The following STARD13 variants were observed in gnomAD, a reference collection of about 807,000 sequenced individuals.
The protein encoded by STARD13 is stAR-related lipid transfer protein 13.
Under a neutral mutation model 106.4 loss-of-function variants are expected in STARD13, and 62 were observed. The ratio of observed to expected loss-of-function variants is 0.58; its 90% CI spans 0.48 to 0.72. The LOEUF is 0.72. Among genes scored for constraint, STARD13 ranks in the 30% least tolerant of loss-of-function variants. The pLI is 0.00. For missense variants in STARD13, 1,387 were observed against 1,424.0 expected, an observed-to-expected ratio of 0.97 and a Z score of 0.42; for synonymous variants, 565 against 553.0, an observed-to-expected ratio of 1.02 and a Z score of -0.31.
chr13:33,494,158 T>C, the STARD13 span, among the ~76,000 whole-genome samples: 9 of 152,268 alleles, frequency 5.9e-5, no homozygotes, highest in African/African-American at 1.4e-4. Context: ...CCTTCCCATT[T>C]GACTTGAATG....
At chr13:33,251,885 C>T (rs1026079812) in intron 1 of STARD13, among the ~76,000 whole-genome samples, 1 of 152,346 alleles carries the variant, frequency 6.6e-6, no homozygotes, top group African/African-American at 2.4e-5. Flanking sequence ...TAATCCTGAA[C>T]ACAATTTCAA....
At chr13:33,429,865 G>T in the STARD13 span, among the ~76,000 whole-genome samples, 1 of 151,346 alleles carries the variant, frequency 6.6e-6, no homozygotes, top group African/African-American at 2.4e-5. Context: ...GTGCCACAGG[G>T]TGTGCCATAA....
intron 1 of STARD13, among the ~76,000 whole-genome samples, chr13:33,266,635 CG>C (rs1441272019): frequency 6.6e-6 from 1 of 152,158 alleles, no homozygotes; most frequent in African/African-American, 2.4e-5. Context: ...CGATTTTGCC[CG>C]GTGGAAATAC....
intron 1 of STARD13, among the ~76,000 whole-genome samples, chr13:33,243,778 CA>C (rs1294012146): frequency 6.6e-6 from 1 of 152,104 alleles, no homozygotes; most frequent in Non-Finnish European, 1.5e-5. Flanking sequence ...CAGTGGAGTG[CA>C]AGTTCCTTGG....
Position 33,112,812 on chromosome 13 carries a change from C to T in STARD13, c.2401G>A (p.Glu801Lys), listed in dbSNP as rs1292751387. 9.9e-6 allele frequency: 16 copies of T among 1,613,962 alleles called. No individual in the cohort carries two copies. Among genetic ancestry groups the T allele is most frequent in the Non-Finnish European group, 1.2e-5 (14 of 1,179,920 alleles). ...TTCATGGGCGTCATCTGATTCTCTT[C>T]CACCAAGTTGACGACGTCGTTCAGG... Reference protein sequence around the residue: ...CFLNDVVNLVEENQMTPMNLA... With the variant: ...CFLNDVVNLVKENQMTPMNLA... The change falls in exon 9 of 14, where the codon GAA becomes AAA. Residue 801 changes from glutamate (E) to lysine (K), a missense_variant. Glu to Lys is a moderately conservative substitution (Grantham distance 56). Transcript: ENST00000336934.
intron 3 of STARD13, among the ~76,000 whole-genome samples, chr13:33,163,628 C>CAT (rs1393441681): frequency 0.011 from 1,093 of 103,636 alleles, 29 homozygotes; most frequent in African/African-American, 0.042. Flanking sequence ...ATATATAAAA[C>CAT]ATATATATAT....
the STARD13 span, among the ~76,000 whole-genome samples, chr13:33,377,916 T>A: frequency 3.4e-4 from 52 of 152,226 alleles, no homozygotes; most frequent in Middle Eastern, 3.4e-3. Context: ...AAAAACCAAA[T>A]GAACAAGGTC....
chr13:33,448,676 G>A, the STARD13 span, among the ~76,000 whole-genome samples: 2 of 151,972 alleles, frequency 1.3e-5, no homozygotes, highest in Admixed American at 6.6e-5. Flanking sequence ...TTGAGGCACC[G>A]CCATACTGTT....
chr13:33,125,049 A>C (rs1440205530), intron 7 of STARD13, among the ~76,000 whole-genome samples: 1 of 152,240 alleles, frequency 6.6e-6, no homozygotes, highest in Non-Finnish European at 1.5e-5. Context: ...CTTCAAATGA[A>C]GAAGTTACTG....
chr13:33,181,444 G>A (rs1263233466), intron 1 of STARD13, among the ~76,000 whole-genome samples: 2 of 152,156 alleles, frequency 1.3e-5, no homozygotes, highest in African/African-American at 2.4e-5. Flanking sequence ...TACATCTCAT[G>A]TTCTTAGCCT....
chr13:33,406,004 T>C, the STARD13 span, among the ~76,000 whole-genome samples: 1 of 152,258 alleles, frequency 6.6e-6, no homozygotes, highest in Non-Finnish European at 1.5e-5. Context: ...ATGGGAACTA[T>C]TGTTATTCCC....
At chr13:33,532,073 A>G in the STARD13 span, among the ~76,000 whole-genome samples, 1 of 152,036 alleles carries the variant, frequency 6.6e-6, no homozygotes, top group Non-Finnish European at 1.5e-5. Context: ...CGAAGTCTCT[A>G]TTGCAGCTCA....
At chr13:33,629,758 T>C in the STARD13 span, among the ~76,000 whole-genome samples, 1 of 152,198 alleles carries the variant, frequency 6.6e-6, no homozygotes. Flanking sequence ...TTAACATCAT[T>C]TTTTGAACTG....
the STARD13 span, among the ~76,000 whole-genome samples, chr13:33,582,266 C>T: frequency 4.6e-5 from 7 of 152,044 alleles, no homozygotes; most frequent in Non-Finnish European, 1.0e-4. Context: ...GTAACTTGCC[C>T]AAGTTTACAC....
At chr13:33,237,351 A>T (rs1297844293) in intron 1 of STARD13, among the ~76,000 whole-genome samples, 1 of 152,244 alleles carries the variant, frequency 6.6e-6, no homozygotes, top group Admixed American at 6.5e-5. Flanking sequence ...TTCATAAAAC[A>T]TCTATAAATT....
intron 1 of STARD13, among the ~76,000 whole-genome samples, chr13:33,299,049 C>A (rs1418929487): frequency 6.6e-6 from 1 of 152,160 alleles, no homozygotes. Context: ...CGTACTTTTT[C>A]TATGCTTAGA....
At chr13:33,359,309 C>G in the STARD13 span, among the ~76,000 whole-genome samples, 3 of 152,024 alleles carry the variant, frequency 2.0e-5, no homozygotes, top group Non-Finnish European at 2.9e-5. Flanking sequence ...TCCAGACGCG[C>G]TGCCTTAAGA....
chr13:33,277,121 C>T (rs1891483935), intron 1 of STARD13, among the ~76,000 whole-genome samples: 1 of 151,758 alleles, frequency 6.6e-6, no homozygotes, highest in Non-Finnish European at 1.5e-5. Flanking sequence ...CTTGGTCCTT[C>T]CCTAGACTGC....
At chr13:33,401,693 C>T in the STARD13 span, among the ~76,000 whole-genome samples, 22 of 152,334 alleles carry the variant, frequency 1.4e-4, no homozygotes, top group Admixed American at 1.1e-3. Flanking sequence ...CATTTTCTCT[C>T]TCAGACATTT....
Sources: allele counts gnomAD v4.1 joint callset (sites outside exome capture counted in the v4.1 genomes callset), GRCh38; gene constraint gnomAD v4.1.1; transcripts MANE v1.5; gene names NCBI Gene and HGNC (gene_info 2026-07-23, HGNC 2026-07-21).